Variants in ALK observed in about 807,000 individuals in gnomAD.
The protein encoded by ALK is ALK tyrosine kinase receptor.
In ALK, 74 loss-of-function variants were observed where a neutral mutation model predicts 163.1. The observed-to-expected ratio is 0.45, with a 90% CI of 0.38 to 0.55. The LOEUF (loss-of-function observed/expected upper bound fraction) is 0.55, where lower values mean the gene tolerates loss of function less well. Among genes scored for constraint, ALK ranks in the 20% least tolerant of loss-of-function variants. The probability of loss-of-function intolerance (pLI) is 0.00; values close to 1 mark genes in which losing one functional copy is unlikely to be tolerated. For synonymous variants in ALK, 960 were observed against 843.2 expected, an observed-to-expected ratio of 1.14 and a Z score of -2.40; for missense variants, 2,063 against 2,105.3, an observed-to-expected ratio of 0.98 and a Z score of 0.39.
At position 29,288,973 on chromosome 2, in the gene ALK, AAT is replaced by A. The variant is rs200867530; in HGVS notation, c.1817+7913_1817+7914del. Among the ~76,000 whole-genome samples the A allele has an allele frequency of 2.2e-3, 317 of 142,180 alleles. 27 individuals carry two copies. The highest frequency in any genetic ancestry group is 9.5e-3 in the Admixed American group (137 of 14,410). 93.3% of individuals were successfully genotyped at this position (142,180 alleles called of 152,430 possible). A position where few individuals can be genotyped will look rare whatever the true frequency, so the allele number is the denominator to read the frequency against. On this transcript the variant is annotated intron_variant, in intron 9 of 28. Transcript: ENST00000389048. ...TCTCAAAAAAATAAATAAATAAATA[AAT>A]AAATAAATAAATAAATAAATAAATA...
intron 1 of ALK, among the ~76,000 whole-genome samples, chr2:29,821,813 G>T (rs1401134855): frequency 6.6e-6 from 1 of 152,154 alleles, no homozygotes; most frequent in Non-Finnish European, 1.5e-5. Flanking sequence ...TGCCAGCCAG[G>T]ATTAAGTGGA....
intron 1 of ALK, among the ~76,000 whole-genome samples, chr2:29,853,590 C>G (rs1331127499): frequency 6.6e-6 from 1 of 152,212 alleles, no homozygotes; most frequent in African/African-American, 2.4e-5. Flanking sequence ...CCCACCTCTG[C>G]TCTCCCTACC....
At chr2:29,830,357 G>T (rs1425390387) in intron 1 of ALK, among the ~76,000 whole-genome samples, 1 of 152,072 alleles carries the variant, frequency 6.6e-6, no homozygotes, top group African/African-American at 2.4e-5. Flanking sequence ...CAGGACCTGG[G>T]CATAGCCTAG....
chr2:29,449,517 G>A (rs1670770577), intron 4 of ALK, among the ~76,000 whole-genome samples: 2 of 152,148 alleles, frequency 1.3e-5, no homozygotes, highest in South Asian at 4.1e-4. Flanking sequence ...CATTAATGTG[G>A]GCTCTGACAG....
chr2:29,920,715 T>C lies in ALK; in HGVS notation c.-56A>G. On this transcript the variant is annotated 5_prime_UTR_variant, in exon 1 of 29. Transcript: ENST00000389048. ...CCGGGCCCAGCCTCACCCTTCGCTC[T>C]CCCCGAGATGGGAAGAGGCTCTGAA... 2 of 1,440,496 alleles carry C rather than the reference T, an allele frequency of 1.4e-6. No homozygotes were observed. Among genetic ancestry groups the C allele is most frequent in the Admixed American group, 2.0e-5 (1 of 49,730 alleles). 89.2% of individuals were successfully genotyped at this position (1,440,496 alleles called of 1,614,324 possible). A position where few individuals can be genotyped will look rare whatever the true frequency, so the allele number is the denominator to read the frequency against.
intron 4 of ALK, among the ~76,000 whole-genome samples, chr2:29,483,016 T>C (rs1192079685): frequency 1.3e-5 from 2 of 152,200 alleles, no homozygotes; most frequent in Non-Finnish European, 2.9e-5. Context: ...CTGAGAAGAC[T>C]GAATGAGCAA....
intron 3 of ALK, among the ~76,000 whole-genome samples, chr2:29,591,138 C>G (rs997283614): frequency 2.7e-5 from 4 of 149,286 alleles, no homozygotes; most frequent in African/African-American, 9.9e-5. Context: ...CATGATGGTC[C>G]TGAACGAAGT....
chr2:29,641,832 A>T (rs975314166), intron 3 of ALK, among the ~76,000 whole-genome samples: 3 of 152,188 alleles, frequency 2.0e-5, no homozygotes, highest in Admixed American at 6.6e-5. Context: ...AGCCCCTTTC[A>T]TATAAACAGA....
At chr2:29,731,446 G>A (rs1005152617) in intron 1 of ALK, among the ~76,000 whole-genome samples, 4 of 152,236 alleles carry the variant, frequency 2.6e-5, no homozygotes, top group Middle Eastern at 3.4e-3. Flanking sequence ...CTCCAGGAGC[G>A]GCTTTCAAGA....
chr2:29,603,157 G>A (rs985121812), intron 3 of ALK, among the ~76,000 whole-genome samples: 6 of 152,280 alleles, frequency 3.9e-5, no homozygotes, highest in African/African-American at 1.2e-4. Flanking sequence ...TTCTTATTAT[G>A]AAGATGAAGT....
intron 1 of ALK, among the ~76,000 whole-genome samples, chr2:29,865,390 C>T (rs1666406658): frequency 2.0e-5 from 3 of 152,162 alleles, no homozygotes; most frequent in Admixed American, 2.0e-4. Context: ...GCCTGAGGAG[C>T]CCTCAGGACC....
At chr2:29,286,447 A>C (rs1665859775) in intron 9 of ALK, 1 of 152,148 alleles carries the variant, frequency 6.6e-6, no homozygotes, top group Non-Finnish European at 1.5e-5. Flanking sequence ...GGGGAACTTT[A>C]AAAAATACAG....
intron 1 of ALK, among the ~76,000 whole-genome samples, chr2:29,748,714 G>T (rs186647180): frequency 1.3e-5 from 2 of 152,000 alleles, no homozygotes; most frequent in Non-Finnish European, 2.9e-5. Context: ...AGAAGAAGGC[G>T]CTTAGTCGAT....
chr2:29,696,803 A>ACCCACGT (rs1343938890), intron 2 of ALK, among the ~76,000 whole-genome samples: 3 of 151,902 alleles, frequency 2.0e-5, no homozygotes, highest in Admixed American at 6.6e-5. Flanking sequence ...ATAGCCCCTG[A>ACCCACGT]CCCACGTCTA....
At chr2:29,628,711 T>C (rs554029532) in intron 3 of ALK, among the ~76,000 whole-genome samples, 1 of 152,338 alleles carries the variant, frequency 6.6e-6, no homozygotes, top group African/African-American at 2.4e-5. Context: ...AGAGATGAGA[T>C]TGCAAAAACT....
intron 2 of ALK, among the ~76,000 whole-genome samples, chr2:29,706,289 G>A (rs1573571109): frequency 6.6e-6 from 1 of 152,204 alleles, no homozygotes; most frequent in African/African-American, 2.4e-5. Flanking sequence ...CCCAGGCTCC[G>A]ATGATTAGGG....
intron 5 of ALK, among the ~76,000 whole-genome samples, chr2:29,377,016 C>T (rs1668768504): frequency 6.6e-6 from 1 of 152,200 alleles, no homozygotes; most frequent in South Asian, 2.1e-4. Context: ...AAAGCCAGAA[C>T]CCACCTGGAC....
chr2:29,843,251 T>A (rs912141758), intron 1 of ALK, among the ~76,000 whole-genome samples: 3 of 152,062 alleles, frequency 2.0e-5, no homozygotes, highest in Admixed American at 6.5e-5. Context: ...CAACTATGAA[T>A]CAGAATTATT....
intron 3 of ALK, among the ~76,000 whole-genome samples, chr2:29,540,099 G>T (rs1261338094): frequency 1.3e-5 from 2 of 152,108 alleles, no homozygotes; most frequent in Non-Finnish European, 2.9e-5. Flanking sequence ...GACTGAAATG[G>T]TATATTTTCA....
Sources: allele counts gnomAD v4.1 joint callset (sites outside exome capture counted in the v4.1 genomes callset), GRCh38; gene constraint gnomAD v4.1.1; transcripts MANE v1.5; gene names NCBI Gene and HGNC (gene_info 2026-07-23, HGNC 2026-07-21).